Variants in DIAPH3 observed in about 807,000 individuals in gnomAD.
The protein encoded by DIAPH3 is diaphanous related formin 3.
Under a neutral mutation model 144.3 loss-of-function variants are expected in DIAPH3, and 117 were observed. That is an observed-to-expected ratio of 0.81 (90% CI 0.70 to 0.95). The LOEUF is 0.95. DIAPH3 is among the 40% of genes least tolerant of loss of function. The pLI, the probability that DIAPH3 is intolerant of heterozygous loss-of-function variation, is 0.00. For missense variants in DIAPH3, 1,421 were observed against 1,412.7 expected (o/e 1.01, Z -0.09); for synonymous variants, 519 against 488.9 (o/e 1.06, Z -0.81).
At chr13:59,780,690 G>A (rs1248536682) in intron 25 of DIAPH3, among the ~76,000 whole-genome samples, 8 of 152,164 alleles carry the variant, frequency 5.3e-5, no homozygotes, top group African/African-American at 1.7e-4. Flanking sequence ...CTTAGGAACC[G>A]AAAGAAGGCG....
chr13:60,048,071 A>G (rs114148430), intron 4 of DIAPH3, among the ~76,000 whole-genome samples: 9 of 152,232 alleles, frequency 5.9e-5, no homozygotes, highest in Non-Finnish European at 1.3e-4. Context: ...ATGCCTGCAC[A>G]TGCAGTGGAT....
chr13:59,683,929 A>G (rs764728451), intron 27 of DIAPH3, among the ~76,000 whole-genome samples: 2 of 152,132 alleles, frequency 1.3e-5, no homozygotes, highest in African/African-American at 4.8e-5. Flanking sequence ...TGGTAATGCT[A>G]CCACTTATAT....
intron 17 of DIAPH3, among the ~76,000 whole-genome samples, chr13:59,949,612 G>C (rs187659298): frequency 1.0e-3 from 157 of 152,230 alleles, no homozygotes; most frequent in African/African-American, 3.7e-3. Flanking sequence ...AGTTTATATA[G>C]AGTCTGTGGC....
intron 5 of DIAPH3, among the ~76,000 whole-genome samples, chr13:60,035,781 T>C (rs1410696195): frequency 6.6e-6 from 1 of 152,154 alleles, no homozygotes; most frequent in Non-Finnish European, 1.5e-5. Context: ...TTTGACTTCT[T>C]ATTGGAAAGT....
intron 4 of DIAPH3, among the ~76,000 whole-genome samples, chr13:60,070,509 C>T (rs1029734780): frequency 5.9e-5 from 9 of 151,926 alleles, no homozygotes; most frequent in Non-Finnish European, 1.0e-4. Flanking sequence ...TTGGAGAAAA[C>T]TGTTCTGCAG....
At chr13:59,839,601 A>C (rs2042231502) in intron 22 of DIAPH3, among the ~76,000 whole-genome samples, 153 bp from the exon 23 acceptor site, 1 of 152,228 alleles carries the variant, frequency 6.6e-6, no homozygotes, top group Non-Finnish European at 1.5e-5. Context: ...TAACCTTTCA[A>C]TTTAAAATCT....
At chr13:59,755,504 C>T (rs893826825) in intron 27 of DIAPH3, among the ~76,000 whole-genome samples, 2 of 151,528 alleles carry the variant, frequency 1.3e-5, no homozygotes, top group African/African-American at 2.4e-5. Flanking sequence ...AAGAGAAGAA[C>T]AAAATGGTAT....
At chr13:59,843,950 G>A (rs1178184780) in intron 22 of DIAPH3, among the ~76,000 whole-genome samples, 6 of 152,160 alleles carry the variant, frequency 3.9e-5, no homozygotes, top group African/African-American at 9.7e-5. Flanking sequence ...GAGCCTGTAT[G>A]AGTGGCGGGC....
intron 1 of DIAPH3, among the ~76,000 whole-genome samples, chr13:60,148,116 C>CA (rs1373591945): frequency 3.3e-5 from 5 of 151,996 alleles, no homozygotes; most frequent in Admixed American, 3.3e-4. Flanking sequence ...AAAATAAATC[C>CA]AAGGATAAAA....
intron 17 of DIAPH3, 102 bp downstream of exon 17, chr13:59,969,842 G>T: frequency 1.4e-6 from 1 of 717,696 alleles, no homozygotes; most frequent in Non-Finnish European, 2.3e-6. Flanking sequence ...AAAATAACAT[G>T]TACAGGATTC....
At chr13:59,831,418 C>T (rs953023179) in intron 24 of DIAPH3, among the ~76,000 whole-genome samples, 5 of 151,814 alleles carry the variant, frequency 3.3e-5, no homozygotes, top group Admixed American at 2.6e-4. Context: ...TGCCCTCTCT[C>T]AGTGGAGTCC....
intron 27 of DIAPH3, among the ~76,000 whole-genome samples, chr13:59,740,073 C>A (rs2036371085): frequency 6.6e-6 from 1 of 152,130 alleles, no homozygotes; most frequent in South Asian, 2.1e-4. Context: ...ACTCTACTTA[C>A]ATGCCAATAA....
At chr13:60,046,192 T>C (rs1461294694) in intron 4 of DIAPH3, among the ~76,000 whole-genome samples, 1 of 152,190 alleles carries the variant, frequency 6.6e-6, no homozygotes, top group Non-Finnish European at 1.5e-5. Flanking sequence ...ATAAAGTCCT[T>C]ACAGCTACAT....
In DIAPH3 at chr13:59,850,850, C is replaced by A. The variant is rs918321714; in HGVS notation, c.2737+10557G>T. 1.1e-4 allele frequency among the ~76,000 whole-genome samples: 16 copies of A among 147,568 alleles called. No individual in the cohort carries two copies. In the Admixed American group the frequency reaches 1.1e-3, roughly 10 times the overall value. ...GGAAGAAGTTCAATCTCTGAATAGA[C>A]CAATAACAGGAGCTGAAATTGGGGC... is the stretch of plus-strand genomic sequence containing the variant. On this transcript the variant is annotated intron_variant, in intron 22 of 27. Transcript: ENST00000400324.
rs540438125 is a variant in DIAPH3 at position 59,888,505 on chromosome 13, C to T, written c.2368-9037G>A. Among the ~76,000 whole-genome samples, 14 of 152,180 alleles carry T rather than the reference C, an allele frequency of 9.2e-5. No individual in the cohort carries two copies. The East Asian group carries it at 2.3e-3, about 25-fold the overall frequency. ...TCAAGCAATTTTTAGTATTCTATTT[C>T]GTCTACTGGCTTAACTATGCCTCTT... On this transcript the variant is annotated intron_variant, in intron 20 of 27. Coordinates refer to ENST00000400324, the MANE Select transcript of DIAPH3 (RefSeq NM_001042517.2).
intron 24 of DIAPH3, among the ~76,000 whole-genome samples, chr13:59,829,624 ATC>A (rs2041668878): frequency 1.3e-5 from 2 of 152,000 alleles, no homozygotes; most frequent in South Asian, 2.1e-4. Context: ...CCCATTGATC[ATC>A]TGTTACTCAA....
chr13:59,703,750 A>ATG (rs1337676935), intron 27 of DIAPH3, among the ~76,000 whole-genome samples: 2 of 152,058 alleles, frequency 1.3e-5, no homozygotes, highest in Admixed American at 6.6e-5. Flanking sequence ...ATGCGTGTTT[A>ATG]TGTGTGTGTG....
intron 27 of DIAPH3, among the ~76,000 whole-genome samples, chr13:59,720,190 C>T (rs1417102560): frequency 6.6e-6 from 1 of 151,998 alleles, no homozygotes; most frequent in African/African-American, 2.4e-5. Flanking sequence ...AGTAAAAATA[C>T]AATATAAAGA....
chr13:59,831,272 T>C lies in DIAPH3; in HGVS notation c.3027+1835A>G, dbSNP rs550919084. Among the ~76,000 whole-genome samples, 3 of 151,958 alleles carry C rather than the reference T, an allele frequency of 2.0e-5. No homozygotes were observed. The South Asian group carries it at 6.2e-4, about 32-fold the overall frequency. Reference sequence around the variant, plus strand: ...CAGAGGTCCCCAAGACACCCTCATGTTTGATAATTTGCCGGAAGGGCTCAT... The same window carrying C: ...CAGAGGTCCCCAAGACACCCTCATGCTTGATAATTTGCCGGAAGGGCTCAT... On this transcript the variant is annotated intron_variant, in intron 24 of 27. Coordinates refer to ENST00000400324, the MANE Select transcript of DIAPH3 (RefSeq NM_001042517.2).
Sources: allele counts gnomAD v4.1 joint callset (sites outside exome capture counted in the v4.1 genomes callset), GRCh38; gene constraint gnomAD v4.1.1; transcripts MANE v1.5; gene names NCBI Gene and HGNC (gene_info 2026-07-23, HGNC 2026-07-21).